Variants in SV2C observed in about 807,000 individuals in gnomAD.
SV2C encodes synaptic vesicle glycoprotein 2C, also known as solute carrier family 22 member B3.
SV2C carries 49 observed loss-of-function variants against 79.7 expected under a neutral mutation model. The observed-to-expected ratio is 0.61, with a 90% CI of 0.49 to 0.78. SV2C has a LOEUF of 0.78. SV2C is among the 30% of genes least tolerant of loss of function. SV2C has a pLI of 0.00. For missense variants in SV2C, 833 were observed against 912.9 expected (o/e 0.91, Z 1.13); for synonymous variants, 334 against 333.2 (o/e 1.00, Z -0.03).
At chr5:76,304,133 G>T (rs1356042789) in intron 12 of SV2C, among the ~76,000 whole-genome samples, 1 of 152,198 alleles carries the variant, frequency 6.6e-6, no homozygotes, top group Non-Finnish European at 1.5e-5. Context: ...TAACACAAAG[G>T]TCTGCCAGGT....
chr5:76,268,664 T>C (rs1205756328), intron 4 of SV2C, among the ~76,000 whole-genome samples: 1 of 152,204 alleles, frequency 6.6e-6, no homozygotes, highest in Admixed American at 6.5e-5. Flanking sequence ...GTAATAACCA[T>C]TTATAAGCTG....
At chr5:76,184,405 A>G (rs2358532) in intron 2 of SV2C, among the ~76,000 whole-genome samples, 119,777 of 152,212 alleles carry the variant, frequency 0.79, 47,617 homozygotes, top group East Asian at 0.91. Flanking sequence ...TCATTTGTTC[A>G]GTCAGTGATT....
At chr5:76,160,135 G>C (rs1476544658) in intron 2 of SV2C, among the ~76,000 whole-genome samples, 1 of 152,108 alleles carries the variant, frequency 6.6e-6, no homozygotes, top group African/African-American at 2.4e-5. Flanking sequence ...CTTTGCAAAT[G>C]AATCTACAGA....
At chr5:76,025,668 T>C in the SV2C span, among the ~76,000 whole-genome samples, 2 of 152,226 alleles carry the variant, frequency 1.3e-5, no homozygotes, top group African/African-American at 4.8e-5. Context: ...CACTGTTTAA[T>C]ACATGCCTGC....
chr5:76,162,382 G>A (rs1012051765), intron 2 of SV2C, among the ~76,000 whole-genome samples: 1 of 152,116 alleles, frequency 6.6e-6, no homozygotes, highest in East Asian at 1.9e-4. Flanking sequence ...TAATTGTCAC[G>A]GCACCCACAG....
chr5:75,932,964 C>T, the SV2C span, among the ~76,000 whole-genome samples: 2 of 152,160 alleles, frequency 1.3e-5, no homozygotes, highest in African/African-American at 4.8e-5. Context: ...TGGTCCTTGC[C>T]TATACTTCTG....
intron 4 of SV2C, among the ~76,000 whole-genome samples, chr5:76,266,631 G>T (rs140350286): frequency 6.6e-6 from 1 of 152,326 alleles, no homozygotes; most frequent in East Asian, 1.9e-4. Context: ...GCAGAGAGTA[G>T]AATAGAGGTT....
At chr5:76,122,045 T>C (rs930060738) in intron 1 of SV2C, among the ~76,000 whole-genome samples, 10 of 152,098 alleles carry the variant, frequency 6.6e-5, no homozygotes, top group Admixed American at 2.6e-4. Context: ...TTTTATTTCA[T>C]TGAGCAGTGG....
chr5:76,254,500 T>A (rs12654150), intron 4 of SV2C, among the ~76,000 whole-genome samples: 3 of 151,878 alleles, frequency 2.0e-5, no homozygotes, highest in Non-Finnish European at 2.9e-5. Context: ...CTTTTAGCCC[T>A]TATGAACTGC....
At chr5:76,253,289 T>C (rs1746167315) in intron 4 of SV2C, among the ~76,000 whole-genome samples, 1 of 152,130 alleles carries the variant, frequency 6.6e-6, no homozygotes, top group African/African-American at 2.4e-5. Flanking sequence ...TTTTTTATGT[T>C]TTTTGCTTTT....
chr5:76,257,223 CTAAA>C (rs1177635414), intron 4 of SV2C, among the ~76,000 whole-genome samples: 12 of 151,648 alleles, frequency 7.9e-5, no homozygotes, highest in Admixed American at 5.3e-4. Context: ...GTCACTGGGG[CTAAA>C]TAGTCTCTAT....
chr5:76,039,824 T>C, the SV2C span, among the ~76,000 whole-genome samples: 4 of 151,500 alleles, frequency 2.6e-5, no homozygotes, highest in Admixed American at 2.6e-4. Context: ...TAACTACTTA[T>C]GGAGGATTGC....
chr5:76,279,099 G>A (rs561702217), intron 4 of SV2C, among the ~76,000 whole-genome samples: 4 of 152,310 alleles, frequency 2.6e-5, no homozygotes, highest in Middle Eastern at 6.8e-3. Flanking sequence ...TTTTTGACAC[G>A]TGTATCTGGG....
At chr5:75,880,580 A>C in the SV2C span, among the ~76,000 whole-genome samples, 157 of 152,260 alleles carry the variant, frequency 1.0e-3, no homozygotes, top group African/African-American at 3.7e-3. Context: ...AGTTCCCAAT[A>C]AGTTCCTCAT....
chr5:76,249,419 C>T (rs1746045894), intron 4 of SV2C, among the ~76,000 whole-genome samples: 1 of 152,044 alleles, frequency 6.6e-6, no homozygotes, highest in Non-Finnish European at 1.5e-5. Flanking sequence ...AAAAAAAGAC[C>T]ATGTGAAGTA....
At chr5:76,091,251 C>T (rs1367614911) in intron 1 of SV2C, among the ~76,000 whole-genome samples, 1 of 152,214 alleles carries the variant, frequency 6.6e-6, no homozygotes, top group Non-Finnish European at 1.5e-5. Context: ...CTGTTGGCCA[C>T]ATCCATGTGA....
chr5:76,247,726 G>GT (rs1191906715), intron 4 of SV2C, among the ~76,000 whole-genome samples: 2 of 152,194 alleles, frequency 1.3e-5, no homozygotes, highest in Admixed American at 6.5e-5. Flanking sequence ...TTAAGTCAAA[G>GT]TTTTTAACAA....
intron 12 of SV2C, among the ~76,000 whole-genome samples, chr5:76,314,681 A>T (rs1467890451): frequency 6.6e-6 from 1 of 152,162 alleles, no homozygotes; most frequent in Non-Finnish European, 1.5e-5. Context: ...GGTGAGGAAA[A>T]TGCGGCACAG....
the SV2C span, among the ~76,000 whole-genome samples, chr5:75,905,780 C>T: frequency 1.0e-3 from 155 of 151,910 alleles, 1 homozygote; most frequent in African/African-American, 3.5e-3. Context: ...GCTTTAGAAA[C>T]TGTAAAGTTT....
Sources: gnomAD v4.1 joint callset for allele counts (sites outside exome capture counted in the v4.1 genomes callset) on GRCh38, gnomAD v4.1.1 for gene constraint, MANE v1.5 for transcripts, NCBI Gene and HGNC (gene_info 2026-07-23, HGNC 2026-07-21) for gene names.